SHANK2: variants seen among roughly 807,000 people sequenced by gnomAD.
The protein encoded by SHANK2 is SH3 and multiple ankyrin repeat domains 2.
In SHANK2, 43 loss-of-function variants were observed where a neutral mutation model predicts 133.7. The observed-to-expected ratio is 0.32, with a 90% CI of 0.25 to 0.41. The LOEUF (loss-of-function observed/expected upper bound fraction) is 0.41, where lower values mean the gene tolerates loss of function less well. SHANK2 is among the 10% of genes least tolerant of loss of function. The pLI is 1.00. For synonymous variants in SHANK2, 1,017 were observed against 952.8 expected, an observed-to-expected ratio of 1.07 and a Z score of -1.24; for missense variants, 1,994 against 2,235.8, an observed-to-expected ratio of 0.89 and a Z score of 2.18.
chr11:70,799,215 T>C (rs963307951), intron 13 of SHANK2, among the ~76,000 whole-genome samples: 3 of 151,920 alleles, frequency 2.0e-5, no homozygotes, highest in African/African-American at 4.8e-5. Flanking sequence ...CTGGCCAACA[T>C]AGCCAAACCG....
intron 17 of SHANK2, among the ~76,000 whole-genome samples, chr11:70,599,788 A>G (rs575423369): frequency 6.7e-6 from 1 of 149,822 alleles, no homozygotes; most frequent in African/African-American, 2.5e-5. Flanking sequence ...TGAGATTCTG[A>G]AAGAAGAAAA....
chr11:71,057,112 A>G (rs985604840), intron 9 of SHANK2, among the ~76,000 whole-genome samples: 1 of 152,328 alleles, frequency 6.6e-6, no homozygotes, highest in East Asian at 1.9e-4. Flanking sequence ...AGGTGGGCCA[A>G]TCACCTGAGG....
At chr11:70,894,871 C>A (rs1052310960) in intron 11 of SHANK2, among the ~76,000 whole-genome samples, 5 of 152,216 alleles carry the variant, frequency 3.3e-5, no homozygotes, top group African/African-American at 1.2e-4. Context: ...CCCTTCACAG[C>A]AGCCGATATT....
At chr11:70,892,439 C>T (rs1189297594) in intron 11 of SHANK2, among the ~76,000 whole-genome samples, 2 of 152,142 alleles carry the variant, frequency 1.3e-5, no homozygotes, top group East Asian at 1.9e-4. Flanking sequence ...GGTTCTAGGT[C>T]CAGCCTCTAT....
At chr11:70,908,499 T>A (rs1195139586) in intron 10 of SHANK2, among the ~76,000 whole-genome samples, 3 of 152,236 alleles carry the variant, frequency 2.0e-5, no homozygotes, top group African/African-American at 7.2e-5. Flanking sequence ...AGTTTCATTC[T>A]GCGATTTTGC....
At chr11:71,216,373 T>C (rs1237597435) in intron 2 of SHANK2, among the ~76,000 whole-genome samples, 1 of 152,180 alleles carries the variant, frequency 6.6e-6, no homozygotes, top group East Asian at 1.9e-4. Context: ...ACAAAGGTCA[T>C]GTATTATACG....
intron 15 of SHANK2, among the ~76,000 whole-genome samples, chr11:70,678,718 T>C (rs1944960511): frequency 6.6e-6 from 1 of 151,830 alleles, no homozygotes; most frequent in African/African-American, 2.4e-5. Flanking sequence ...AATTTTTGTA[T>C]TTTTAGTAGA....
chr11:70,472,434 C>A lies in SHANK2; in HGVS notation c.*435G>T. 1 of 250,782 alleles carries A rather than the reference C, an allele frequency of 4.0e-6. No individual in the cohort carries two copies. The highest frequency in any genetic ancestry group is 2.2e-5 in the African/African-American group (1 of 44,590). The allele number at this position is 250,782 out of a possible 1,614,324, so 15.5% of individuals were successfully genotyped here. ...AGAGGCCACAGGACTGAGGAAAGGC[C>A]TCATGCCGGGGCCTGGGGTGGTGAG... On this transcript the variant is annotated 3_prime_UTR_variant, in exon 26 of 26. Coordinates refer to ENST00000601538, the MANE Select transcript of SHANK2 (RefSeq NM_012309.5). This position sits in a 1 kb window ranked among gnomAD's most constrained non-coding sequence, Gnocchi z 4.4.
At position 70,472,619 on chromosome 11, in the gene SHANK2, T is replaced by A. The variant is rs782295950; in HGVS notation, c.*250A>T. 1.6e-5 allele frequency: 9 copies of A among 550,124 alleles called. No individual in the cohort carries two copies. Among genetic ancestry groups the A allele is most frequent in the Non-Finnish European group, 2.9e-5 (9 of 305,254 alleles). 34.1% of individuals were successfully genotyped at this position (550,124 alleles called of 1,614,324 possible). A position where few individuals can be genotyped will look rare whatever the true frequency, so the allele number is the denominator to read the frequency against. ...CTGGGCGGCAGGCTGAGAATCTTTT[T>A]CCATGTTAGAAAAACTCCCTCCCCT... On this transcript the variant is annotated 3_prime_UTR_variant, in exon 26 of 26. Coordinates refer to ENST00000601538, the MANE Select transcript of SHANK2 (RefSeq NM_012309.5). This position sits in a 1 kb window ranked among gnomAD's most constrained non-coding sequence, Gnocchi z 4.4.
chr11:70,855,009 CT>C (rs1196154534), intron 11 of SHANK2, among the ~76,000 whole-genome samples: 1 of 152,220 alleles, frequency 6.6e-6, no homozygotes, highest in Non-Finnish European at 1.5e-5. Flanking sequence ...GTCCATCAAT[CT>C]AGGAGGTCTG....
chr11:70,806,952 C>T (rs1555051998), intron 13 of SHANK2, 50 bp downstream of exon 13: 4 of 698,204 alleles, frequency 5.7e-6, no homozygotes, highest in Non-Finnish European at 8.0e-6. Context: ...GGGTGAAGGG[C>T]CCCAGCCTGA....
intron 11 of SHANK2, among the ~76,000 whole-genome samples, chr11:70,829,100 A>G (rs1212083720): frequency 6.6e-6 from 1 of 152,180 alleles, no homozygotes; most frequent in Non-Finnish European, 1.5e-5. Context: ...GGTGTAAGGA[A>G]GAAGCCACCT....
intron 2 of SHANK2, among the ~76,000 whole-genome samples, chr11:71,190,513 G>A (rs1953771284): frequency 6.6e-6 from 1 of 152,008 alleles, no homozygotes; most frequent in Non-Finnish European, 1.5e-5. Context: ...GCTCACCATT[G>A]TCTGGAAAAT....
At position 70,479,595 on chromosome 11, in the gene SHANK2, G is replaced by A. The variant is rs2058706557; in HGVS notation, c.4979+5719C>T. On this transcript the variant is annotated intron_variant, in intron 25 of 25. Coordinates refer to ENST00000601538, the MANE Select transcript of SHANK2 (RefSeq NM_012309.5). The surrounding 1 kb of genome is among the most constrained non-coding windows in gnomAD (Gnocchi z 4.4). ...AGGTCCCTTCTGGACCCCACCCACT[G>A]CAAAGGGCTGGCGACCTAGAGGGGA... Among the ~76,000 whole-genome samples the A allele has an allele frequency of 6.6e-6, 1 of 152,220 alleles. No individual in the cohort carries two copies. The highest frequency in any genetic ancestry group is 6.5e-5 in the Admixed American group (1 of 15,286).
At chr11:71,084,023 G>A (rs1445255859) in intron 8 of SHANK2, among the ~76,000 whole-genome samples, 1 of 150,400 alleles carries the variant, frequency 6.6e-6, no homozygotes, top group Non-Finnish European at 1.5e-5. Context: ...AGGCTGGAGT[G>A]CAGTGGCGCA....
chr11:70,559,845 AC>A (rs1241209881), intron 17 of SHANK2, among the ~76,000 whole-genome samples: 13 of 149,262 alleles, frequency 8.7e-5, no homozygotes, highest in African/African-American at 3.0e-4. Flanking sequence ...GCCCCAGACC[AC>A]CCATATTCTG....
chr11:71,163,716 G>A (rs1361637460), intron 2 of SHANK2, among the ~76,000 whole-genome samples: 2 of 152,196 alleles, frequency 1.3e-5, no homozygotes, highest in African/African-American at 2.4e-5. Flanking sequence ...GCAAAAAGGA[G>A]CTCAGTGGAA....
At position 70,599,334 on chromosome 11, in the gene SHANK2, G is replaced by T. The variant is rs557953557; in HGVS notation, c.2061+60494C>A. Among the ~76,000 whole-genome samples the T allele has an allele frequency of 2.0e-5, 3 of 152,106 alleles. No homozygotes were observed. The East Asian group carries it at 5.8e-4, about 29-fold the overall frequency. The stretch of plus-strand genomic sequence containing the variant: ...TTTGAAAGAGAAATGTAGGCAGGGC[G>T]CAGTGGCTCACATCTGTAATCCCAG... On this transcript the variant is annotated intron_variant, in intron 17 of 25. Transcript: ENST00000601538.
At chr11:71,223,960 T>C (rs1422096203) in intron 2 of SHANK2, among the ~76,000 whole-genome samples, 1 of 152,200 alleles carries the variant, frequency 6.6e-6, no homozygotes, top group Non-Finnish European at 1.5e-5. Context: ...TCTGTCTTTA[T>C]GGTCCCTGGT....
Sources: gnomAD v4.1 joint callset for allele counts (sites outside exome capture counted in the v4.1 genomes callset) on GRCh38, gnomAD v4.1.1 for gene constraint, Gnocchi (gnomAD v3.1) non-coding constraint, MANE v1.5 for transcripts, NCBI Gene and HGNC (gene_info 2026-07-23, HGNC 2026-07-21) for gene names.